Variants in SPON1 observed in about 807,000 individuals in gnomAD.
SPON1 encodes spondin-1.
A neutral mutation model predicts 111.7 loss-of-function variants in SPON1; 52 were observed. The ratio of observed to expected loss-of-function variants is 0.47; its 90% CI spans 0.37 to 0.59. The LOEUF is 0.59. Among genes scored for constraint, SPON1 ranks in the 20% least tolerant of loss-of-function variants. The pLI is 0.00. For missense variants in SPON1, 957 were observed against 1,068.5 expected (o/e 0.90, Z 1.46); for synonymous variants, 410 against 395.8 (o/e 1.04, Z -0.43).
chr11:13,978,451 C>G (rs1302739621), intron 1 of SPON1, among the ~76,000 whole-genome samples: 5 of 152,140 alleles, frequency 3.3e-5, no homozygotes, highest in Non-Finnish European at 7.3e-5. Flanking sequence ...GGTTCTTACC[C>G]TTGAACGTCT....
At chr11:13,974,320 G>T (rs1554908885) in intron 1 of SPON1, among the ~76,000 whole-genome samples, 1 of 152,180 alleles carries the variant, frequency 6.6e-6, no homozygotes, top group Non-Finnish European at 1.5e-5. Context: ...CAGGTGGATG[G>T]CAGGGGCTGG....
At chr11:14,087,700 T>C (rs1407793328) in intron 5 of SPON1, among the ~76,000 whole-genome samples, 2 of 152,234 alleles carry the variant, frequency 1.3e-5, no homozygotes, top group African/African-American at 4.8e-5. Context: ...AATATCCTTG[T>C]TAATTTTCTG....
chr11:13,999,059 A>G (rs548420915), intron 2 of SPON1, among the ~76,000 whole-genome samples: 144 of 152,326 alleles, frequency 9.5e-4, no homozygotes, highest in African/African-American at 3.4e-3. Context: ...TGGTTTTGCA[A>G]ACACTTAAAG....
chr11:14,245,837 A>G (rs1284114250), intron 7 of SPON1, among the ~76,000 whole-genome samples: 1 of 152,208 alleles, frequency 6.6e-6, no homozygotes, highest in Non-Finnish European at 1.5e-5. Context: ...AGGAGAAGCA[A>G]CACGAGGCAG....
At chr11:14,221,564 G>A (rs555561322) in intron 6 of SPON1, among the ~76,000 whole-genome samples, 14 of 144,898 alleles carry the variant, frequency 9.7e-5, no homozygotes, top group South Asian at 4.4e-4. Context: ...CAGCTGCCAC[G>A]GCGAAAGCCA....
At chr11:14,141,655 T>G (rs1281672863) in intron 6 of SPON1, among the ~76,000 whole-genome samples, 2 of 152,206 alleles carry the variant, frequency 1.3e-5, no homozygotes, top group Non-Finnish European at 2.9e-5. Flanking sequence ...TTCTTTAAAG[T>G]TGAAACAGTT....
intron 15 of SPON1, chr11:14,263,196 A>G (rs1216913267): frequency 3.6e-6 from 2 of 553,178 alleles, no homozygotes; most frequent in African/African-American, 3.7e-5. Flanking sequence ...GGGGTCATTT[A>G]TCAAAGAACA....
chr11:14,205,251 G>A (rs782730901), intron 6 of SPON1, among the ~76,000 whole-genome samples: 4 of 152,136 alleles, frequency 2.6e-5, no homozygotes, highest in Non-Finnish European at 5.9e-5. Context: ...ATGTGTTGAC[G>A]CATATCGTAT....
At chr11:13,986,861 G>C (rs1175855651) in intron 2 of SPON1, among the ~76,000 whole-genome samples, 3 of 152,060 alleles carry the variant, frequency 2.0e-5, no homozygotes, top group Non-Finnish European at 4.4e-5. Flanking sequence ...ATGGTTTCCA[G>C]CTTCATCCAT....
At chr11:14,145,180 A>G (rs577112885) in intron 6 of SPON1, among the ~76,000 whole-genome samples, 31 of 152,336 alleles carry the variant, frequency 2.0e-4, no homozygotes, top group Middle Eastern at 3.4e-3. Context: ...ACAAATCCAG[A>G]TTACAGTAGG....
At position 14,211,656 on chromosome 11, in the gene SPON1, T is replaced by A. The variant is rs576877396; in HGVS notation, c.826-31676T>A. 3.3e-5 allele frequency among the ~76,000 whole-genome samples: 5 copies of A among 152,302 alleles called. No homozygotes were observed. In the East Asian group the frequency reaches 7.7e-4, roughly 23 times the overall value. On this transcript the variant is annotated intron_variant, in intron 6 of 15. Coordinates refer to ENST00000576479, the MANE Select transcript of SPON1 (RefSeq NM_006108.4). ...TCTTATATTATTATACGTGTAGTTT[T>A]CTAGGGGTTTACTGCTTGTGTATAA...
chr11:14,172,914 C>A (rs1208564583), intron 6 of SPON1, among the ~76,000 whole-genome samples: 1 of 152,016 alleles, frequency 6.6e-6, no homozygotes, highest in African/African-American at 2.4e-5. Flanking sequence ...TTCTCTCTGG[C>A]TGCCCTTAAC....
chr11:14,020,834 G>C (rs1848476436), intron 2 of SPON1, among the ~76,000 whole-genome samples: 1 of 152,162 alleles, frequency 6.6e-6, no homozygotes, highest in Non-Finnish European at 1.5e-5. Flanking sequence ...TCAGCTCTCT[G>C]TGAACATTTC....
At position 14,178,106 on chromosome 11, in the gene SPON1, G is replaced by A. The variant is rs770652045; in HGVS notation, c.825+42538G>A. Among the ~76,000 whole-genome samples, 17 of 144,810 alleles carry A rather than the reference G, an allele frequency of 1.2e-4. 1 individual carries two copies. Among genetic ancestry groups the A allele is most frequent in the South Asian group, 4.5e-4 (2 of 4,448 alleles). On this transcript the variant is annotated intron_variant, in intron 6 of 15. Coordinates refer to ENST00000576479, the MANE Select transcript of SPON1 (RefSeq NM_006108.4). Reference sequence around the variant, plus strand: ...GGTCTCCAGTGACTGGGGAGGAGTCGTTTGCTCTCACAGATTATTGTATTC... The same window carrying A: ...GGTCTCCAGTGACTGGGGAGGAGTCATTTGCTCTCACAGATTATTGTATTC...
intron 6 of SPON1, among the ~76,000 whole-genome samples, chr11:14,192,586 G>A (rs1310869862): frequency 6.6e-6 from 1 of 152,118 alleles, no homozygotes; most frequent in Non-Finnish European, 1.5e-5. Flanking sequence ...GGGTGACAGT[G>A]AGCTGTTTGT....
chr11:14,036,985 A>C (rs899057448), intron 2 of SPON1, among the ~76,000 whole-genome samples: 1 of 152,156 alleles, frequency 6.6e-6, no homozygotes, highest in Admixed American at 6.5e-5. Flanking sequence ...TTGATGAATA[A>C]GTGGGAGGTG....
intron 6 of SPON1, among the ~76,000 whole-genome samples, chr11:14,193,515 CAG>C (rs1848369449): frequency 6.6e-6 from 1 of 152,144 alleles, no homozygotes; most frequent in African/African-American, 2.4e-5. Context: ...ACAAAGGTAA[CAG>C]GGGTGGTCAT....
In SPON1 at chr11:14,113,577, T is replaced by A. The variant is rs1554925657; in HGVS notation, c.677-21843T>A. 4.3e-3 allele frequency among the ~76,000 whole-genome samples: 26 copies of A among 6,036 alleles called. 5 individuals are homozygous for A. The highest frequency in any genetic ancestry group is 0.018 in the African/African-American group (22 of 1,226). 4.0% of individuals were successfully genotyped at this position (6,036 alleles called of 152,430 possible). On this transcript the variant is annotated intron_variant, in intron 5 of 15. Coordinates refer to ENST00000576479, the MANE Select transcript of SPON1 (RefSeq NM_006108.4). ...CCTATGTACTTTTTAAATTTTTTTT[T>A]TTTTTTTTTTTTTTTTTTTTTTTTT...
intron 5 of SPON1, among the ~76,000 whole-genome samples, chr11:14,112,987 A>G (rs1849237158): frequency 6.6e-6 from 1 of 152,182 alleles, no homozygotes; most frequent in Non-Finnish European, 1.5e-5. Context: ...CTTTCTGTCT[A>G]GTCTTTAACC....
Sources: allele counts gnomAD v4.1 joint callset (sites outside exome capture counted in the v4.1 genomes callset), GRCh38; gene constraint gnomAD v4.1.1; transcripts MANE v1.5; gene names NCBI Gene and HGNC (gene_info 2026-07-23, HGNC 2026-07-21).